The following GPC6 variants were observed in gnomAD, a reference collection of about 807,000 sequenced individuals.
GPC6 encodes glypican 6.
GPC6 carries 14 observed loss-of-function variants against 55.2 expected under a neutral mutation model. That is an observed-to-expected ratio of 0.25 (90% CI 0.17 to 0.40). The LOEUF (loss-of-function observed/expected upper bound fraction) is 0.40, where lower values mean the gene tolerates loss of function less well. Among genes scored for constraint, GPC6 ranks in the 10% least tolerant of loss-of-function variants. The pLI, the probability that GPC6 is intolerant of heterozygous loss-of-function variation, is 1.00. For synonymous variants in GPC6, 278 were observed against 259.6 expected, an observed-to-expected ratio of 1.07 and a Z score of -0.68; for missense variants, 641 against 708.5, an observed-to-expected ratio of 0.90 and a Z score of 1.08.
intron 2 of GPC6, among the ~76,000 whole-genome samples, chr13:93,812,247 G>A (rs961652512): frequency 2.0e-5 from 3 of 151,976 alleles, no homozygotes; most frequent in African/African-American, 7.2e-5. Flanking sequence ...AAATTAGCTC[G>A]GTGTGGTGGC....
intron 2 of GPC6, among the ~76,000 whole-genome samples, chr13:93,733,369 C>T (rs975926360): frequency 3.3e-5 from 5 of 151,734 alleles, no homozygotes; most frequent in Admixed American, 6.6e-5. Context: ...TGGTTCATGA[C>T]GATGTGTTAT....
intron 4 of GPC6, among the ~76,000 whole-genome samples, chr13:94,206,715 G>C (rs1006312151): frequency 5.3e-5 from 8 of 152,052 alleles, no homozygotes; most frequent in Non-Finnish European, 1.0e-4. Flanking sequence ...TTAGCTGGGT[G>C]TAGTGGAATG....
chr13:93,774,391 T>C (rs992531723), intron 2 of GPC6, among the ~76,000 whole-genome samples: 3 of 152,168 alleles, frequency 2.0e-5, no homozygotes, highest in Admixed American at 6.5e-5. Flanking sequence ...CACTGGAATA[T>C]TAGGGACCAT....
intron 1 of GPC6, among the ~76,000 whole-genome samples, chr13:93,532,063 T>C (rs1465846995): frequency 6.6e-6 from 1 of 152,216 alleles, no homozygotes; most frequent in African/African-American, 2.4e-5. Flanking sequence ...AAATTTTAAA[T>C]CTCATGGTGC....
intron 2 of GPC6, among the ~76,000 whole-genome samples, chr13:93,626,011 T>C (rs7997388): frequency 0.021 from 3,156 of 152,262 alleles, 105 homozygotes; most frequent in African/African-American, 0.071. Flanking sequence ...ATGATTTTTT[T>C]TTGTTCCATC....
At chr13:93,272,571 C>T (rs899431253) in intron 1 of GPC6, among the ~76,000 whole-genome samples, 11 of 149,506 alleles carry the variant, frequency 7.4e-5, no homozygotes, top group Non-Finnish European at 1.5e-5. Flanking sequence ...TAGTGTTTTG[C>T]AAAACATGGA....
intron 4 of GPC6, among the ~76,000 whole-genome samples, chr13:94,087,821 G>A (rs1885342505): frequency 6.6e-6 from 1 of 152,190 alleles, no homozygotes; most frequent in South Asian, 2.1e-4. Context: ...TTGGAGTCCA[G>A]CACTACTTTG....
At chr13:93,887,350 T>C (rs1359590213) in intron 3 of GPC6, among the ~76,000 whole-genome samples, 1 of 152,018 alleles carries the variant, frequency 6.6e-6, no homozygotes, top group Non-Finnish European at 1.5e-5. Flanking sequence ...CTTTGGAACT[T>C]AAGTATATAT....
intron 1 of GPC6, among the ~76,000 whole-genome samples, chr13:93,502,983 A>C (rs2139373808): frequency 6.6e-6 from 1 of 152,316 alleles, no homozygotes; most frequent in South Asian, 2.1e-4. Flanking sequence ...AAAAAAGAAG[A>C]GTTTAAACAT....
chr13:93,621,695 A>G (rs1878958261), intron 2 of GPC6, among the ~76,000 whole-genome samples: 1 of 152,280 alleles, frequency 6.6e-6, no homozygotes, highest in African/African-American at 2.4e-5. Context: ...AGGATGGGAG[A>G]TCTTGACAAA....
At chr13:93,414,719 G>C (rs1158825482) in intron 1 of GPC6, among the ~76,000 whole-genome samples, 1 of 152,150 alleles carries the variant, frequency 6.6e-6, no homozygotes, top group South Asian at 2.1e-4. Flanking sequence ...GATAATGAAG[G>C]GTTTGCCAAA....
chr13:94,185,758 T>C (rs961506324), intron 4 of GPC6, among the ~76,000 whole-genome samples: 1 of 152,094 alleles, frequency 6.6e-6, no homozygotes, highest in Non-Finnish European at 1.5e-5. Flanking sequence ...GAAGATGAAG[T>C]ATTCAACTGT....
At chr13:94,215,656 T>G (rs891937743) in intron 4 of GPC6, among the ~76,000 whole-genome samples, 4 of 152,164 alleles carry the variant, frequency 2.6e-5, no homozygotes, top group Non-Finnish European at 5.9e-5. Context: ...ACCAGGACTT[T>G]AAAGTTACAA....
At chr13:93,950,589 T>A (rs1472367785) in intron 3 of GPC6, among the ~76,000 whole-genome samples, 1 of 152,200 alleles carries the variant, frequency 6.6e-6, no homozygotes, top group East Asian at 1.9e-4. Flanking sequence ...TCACAATTGC[T>A]CCGTCTGATC....
chr13:94,367,881 T>C (rs1879352492), intron 6 of GPC6, among the ~76,000 whole-genome samples: 1 of 152,090 alleles, frequency 6.6e-6, no homozygotes, highest in South Asian at 2.1e-4. Context: ...CCGGGCACCA[T>C]GGCTCACACC....
chr13:93,691,760 T>G (rs1882264729), intron 2 of GPC6, among the ~76,000 whole-genome samples: 1 of 152,094 alleles, frequency 6.6e-6, no homozygotes, highest in Non-Finnish European at 1.5e-5. Context: ...TATGTTATGA[T>G]AAGTTATGAA....
chr13:93,231,375 A>ACG (rs1288951358), intron 1 of GPC6, among the ~76,000 whole-genome samples: 8 of 17,498 alleles, frequency 4.6e-4, no homozygotes, highest in African/African-American at 2.5e-3. Flanking sequence ...ATATATATAT[A>ACG]TATACATATA....
intron 4 of GPC6, among the ~76,000 whole-genome samples, chr13:94,181,221 C>T (rs1339085309): frequency 1.3e-5 from 2 of 152,158 alleles, no homozygotes; most frequent in Non-Finnish European, 2.9e-5. Context: ...TTTGTACACC[C>T]CTCCCCTTTT....
In GPC6 at chr13:93,596,602, AATAAATAAATAT is replaced by A. The variant is rs1486669591; in HGVS notation, c.319+51185_319+51196del. On this transcript the variant is annotated intron_variant, in intron 2 of 8. Coordinates refer to ENST00000377047, the MANE Select transcript of GPC6 (RefSeq NM_005708.5). Reference sequence around the variant, plus strand: ...CAAAAGGATGTGAAATAAATAAATAAATAAATAAATATATATATATATATATATATATAATGT... The same window carrying A: ...CAAAAGGATGTGAAATAAATAAATAAATATATATATATATATATATAATGT... Among the ~76,000 whole-genome samples, 493 of 82,750 alleles carry A rather than the reference AATAAATAAATAT, an allele frequency of 6.0e-3. 1 individual carries two copies. The highest frequency in any genetic ancestry group is 0.022 in the African/African-American group (462 of 20,872). 54.3% of individuals were successfully genotyped at this position (82,750 alleles called of 152,430 possible). A position where few individuals can be genotyped will look rare whatever the true frequency, so the allele number is the denominator to read the frequency against.
Sources: allele counts gnomAD v4.1 joint callset (sites outside exome capture counted in the v4.1 genomes callset), GRCh38; gene constraint gnomAD v4.1.1; transcripts MANE v1.5; gene names NCBI Gene and HGNC (gene_info 2026-07-23, HGNC 2026-07-21).